Variants in ZNF804A observed in about 807,000 individuals in gnomAD.
The protein encoded by ZNF804A is zinc finger protein 804A.
A neutral mutation model predicts 16.5 loss-of-function variants in ZNF804A; 2 were observed. The observed-to-expected ratio is 0.12, with a 90% CI of 0.05 to 0.38. The LOEUF is 0.38. ZNF804A is among the 10% of genes least tolerant of loss of function. The probability of loss-of-function intolerance (pLI) is 0.99; values close to 1 mark genes in which losing one functional copy is unlikely to be tolerated. For synonymous variants in ZNF804A, 534 were observed against 489.6 expected (o/e 1.09, Z -1.20); for missense variants, 1,473 against 1,390.7 (o/e 1.06, Z -0.94).
chr2:184,875,335 G>GC (rs1696037717), intron 2 of ZNF804A, among the ~76,000 whole-genome samples: 1 of 152,170 alleles, frequency 6.6e-6, no homozygotes, highest in Non-Finnish European at 1.5e-5. Flanking sequence ...ATGGCTTGGT[G>GC]CCATTCTCAT....
Position 184,788,808 on chromosome 2 carries a change from T to G in ZNF804A, c.112-77561T>G, listed in dbSNP as rs114802330. Among the ~76,000 whole-genome samples the G allele has an allele frequency of 4.2e-3, 637 of 152,090 alleles. 5 individuals carry two copies. Among genetic ancestry groups the G allele is most frequent in the African/African-American group, 0.015 (605 of 41,550 alleles). ...ATAATTTCACATCCTATTTTCCAATTTGGATGCATTTAATGTTTTCTTCTA... is the reference window on the plus strand; with the variant it reads ...ATAATTTCACATCCTATTTTCCAATGTGGATGCATTTAATGTTTTCTTCTA... On this transcript the variant is annotated intron_variant, in intron 1 of 3. Transcript: ENST00000302277.
At chr2:184,752,299 A>T (rs1333272681) in intron 1 of ZNF804A, among the ~76,000 whole-genome samples, 1 of 151,714 alleles carries the variant, frequency 6.6e-6, no homozygotes, top group African/African-American at 2.4e-5. Flanking sequence ...CTACACAGCG[A>T]CAAAAATAAT....
At chr2:184,816,693 CT>C (rs1188913180) in intron 1 of ZNF804A, among the ~76,000 whole-genome samples, 6 of 151,950 alleles carry the variant, frequency 3.9e-5, no homozygotes, top group African/African-American at 1.4e-4. Context: ...GTTATCTCCC[CT>C]GACTTGCTAA....
At chr2:184,645,289 C>T (rs1691853331) in intron 1 of ZNF804A, among the ~76,000 whole-genome samples, 3 of 152,190 alleles carry the variant, frequency 2.0e-5, no homozygotes, top group South Asian at 4.1e-4. Flanking sequence ...ATACTTTCCT[C>T]TGATACTAAT....
At chr2:184,906,533 T>C (rs1193151400) in intron 2 of ZNF804A, among the ~76,000 whole-genome samples, 2 of 152,104 alleles carry the variant, frequency 1.3e-5, no homozygotes, top group Admixed American at 6.6e-5. Flanking sequence ...ACTACTGGGC[T>C]GAAGAGATCC....
In ZNF804A at chr2:184,731,251, CAAAAAAAAAAAAAAA is replaced by C. The variant is rs563068533; in HGVS notation, c.111+132196_111+132210del. ...GGACAACAAGAGCTAGGCTCCGTCG[CAAAAAAAAAAAAAAA>C]AAAAAAAAAAAAAAGGAAAAAAGAA... On this transcript the variant is annotated intron_variant, in intron 1 of 3. Transcript: ENST00000302277. 1.1e-3 allele frequency among the ~76,000 whole-genome samples: 49 copies of C among 45,318 alleles called. 1 individual carries two copies. The highest frequency in any genetic ancestry group is 0.011 in the Admixed American group (23 of 2,146). The allele number at this position is 45,318 out of a possible 152,430, so 29.7% of individuals were successfully genotyped here. A position where few individuals can be genotyped will look rare whatever the true frequency, so the allele number is the denominator to read the frequency against.
intron 1 of ZNF804A, among the ~76,000 whole-genome samples, chr2:184,610,998 A>G (rs1691228063): frequency 6.6e-6 from 1 of 152,178 alleles, no homozygotes; most frequent in Admixed American, 6.5e-5. Context: ...ATAACAAAAT[A>G]CCACTGATTG....
chr2:184,884,160 A>G (rs1015640222), intron 2 of ZNF804A, among the ~76,000 whole-genome samples: 1 of 152,174 alleles, frequency 6.6e-6, no homozygotes, highest in African/African-American at 2.4e-5. Flanking sequence ...ATACATCAGC[A>G]TACAAGCTGA....
intron 1 of ZNF804A, among the ~76,000 whole-genome samples, chr2:184,696,622 A>G (rs900397957): frequency 1.3e-5 from 2 of 152,172 alleles, no homozygotes; most frequent in African/African-American, 2.4e-5. Flanking sequence ...TATGATTTAA[A>G]CAAAGCAAGC....
chr2:184,737,720 T>G (rs1352888299), intron 1 of ZNF804A, among the ~76,000 whole-genome samples: 1 of 152,180 alleles, frequency 6.6e-6, no homozygotes, highest in African/African-American at 2.4e-5. Flanking sequence ...AATATACATT[T>G]CTGTAGCCTA....
intron 1 of ZNF804A, among the ~76,000 whole-genome samples, chr2:184,791,750 A>G (rs1288553628): frequency 6.6e-6 from 1 of 152,130 alleles, no homozygotes; most frequent in Non-Finnish European, 1.5e-5. Context: ...TTCATATTCT[A>G]TGAGTTTTGA....
intron 1 of ZNF804A, among the ~76,000 whole-genome samples, chr2:184,791,553 T>G (rs868514628): frequency 6.6e-5 from 10 of 152,086 alleles, no homozygotes; most frequent in Admixed American, 1.3e-4. Context: ...TTAGAGCAGT[T>G]TTAGGTTCAC....
chr2:184,834,676 C>T (rs1485566935), intron 1 of ZNF804A, among the ~76,000 whole-genome samples: 4 of 152,046 alleles, frequency 2.6e-5, no homozygotes, highest in East Asian at 1.9e-4. Context: ...GTTTTTTGAT[C>T]TGAACTGCTT....
intron 2 of ZNF804A, 40 bp from the exon 3 acceptor site, chr2:184,933,563 C>T (rs188420828): frequency 6.4e-7 from 1 of 1,556,466 alleles, no homozygotes; most frequent in Admixed American, 2.2e-5. Context: ...CTACTATAGA[C>T]CAAAATACAA....
intron 1 of ZNF804A, among the ~76,000 whole-genome samples, chr2:184,757,131 T>G (rs778910717): frequency 3.3e-5 from 5 of 152,056 alleles, no homozygotes; most frequent in Admixed American, 6.6e-5. Flanking sequence ...AGCTGTAGTA[T>G]ATCACCATCT....
At position 184,937,069 on chromosome 2, in the gene ZNF804A, C is replaced by T; in HGVS notation, c.1673C>T (p.Thr558Ile). 1 of 1,602,164 alleles carries T rather than the reference C, an allele frequency of 6.2e-7. No homozygotes were observed. Among genetic ancestry groups the T allele is most frequent in the South Asian group, 1.1e-5 (1 of 89,186 alleles). The change falls in exon 4 of 4, where the codon ACA (threonine) becomes ATA (isoleucine). Residue 558 changes from threonine to isoleucine, a missense_variant. Thr to Ile is a moderately conservative substitution (Grantham distance 89). Transcript: ENST00000302277. Reference sequence around the variant, plus strand: ...AACATTTCCTGTAAGATCAGAGAAACAGAAAAGTATAATTTTACTAAAAGT... The same window carrying T: ...AACATTTCCTGTAAGATCAGAGAAATAGAAAAGTATAATTTTACTAAAAGT... ...YKNISCKIRE[T>I]EKYNFTKSQI...
At chr2:184,693,531 G>T (rs774176612) in intron 1 of ZNF804A, among the ~76,000 whole-genome samples, 1 of 152,032 alleles carries the variant, frequency 6.6e-6, no homozygotes, top group Non-Finnish European at 1.5e-5. Context: ...ATATATGCAG[G>T]CTATGTTACA....
intron 2 of ZNF804A, among the ~76,000 whole-genome samples, chr2:184,898,386 A>G (rs1685123039): frequency 7.0e-6 from 1 of 141,978 alleles, no homozygotes; most frequent in Non-Finnish European, 1.5e-5. Context: ...CTTTACTTGG[A>G]AGTCTGTGGT....
At chr2:184,882,596 CA>C (rs1314982923) in intron 2 of ZNF804A, among the ~76,000 whole-genome samples, 2 of 151,782 alleles carry the variant, frequency 1.3e-5, no homozygotes, top group African/African-American at 4.8e-5. Context: ...CACATTCTTA[CA>C]AAATAGTGAA....
Sources: gnomAD v4.1 joint callset for allele counts (sites outside exome capture counted in the v4.1 genomes callset) on GRCh38, gnomAD v4.1.1 for gene constraint, MANE v1.5 for transcripts, NCBI Gene and HGNC (gene_info 2026-07-23, HGNC 2026-07-21) for gene names.